Variants in COX16 observed in about 807,000 individuals in gnomAD.
The protein encoded by COX16 is cytochrome c oxidase assembly factor COX16.
COX16 carries 12 observed loss-of-function variants against 15.4 expected under a neutral mutation model. The ratio of observed to expected loss-of-function variants is 0.78; its 90% confidence interval spans 0.50 to 1.26. The LOEUF (loss-of-function observed/expected upper bound fraction) is 1.26, where lower values mean the gene tolerates loss of function less well. Among genes scored for constraint, COX16 ranks in the 50% most tolerant of loss-of-function variants. The probability of loss-of-function intolerance (pLI) is 0.00; values close to 1 mark genes in which losing one functional copy is unlikely to be tolerated. For missense variants in COX16, 124 were observed against 127.6 expected (o/e 0.97, Z 0.14); for synonymous variants, 46 against 41.1 (o/e 1.12, Z -0.46).
intron 2 of COX16, among the ~76,000 whole-genome samples, chr14:70,341,842 A>C (rs1053740385): frequency 2.0e-5 from 3 of 152,136 alleles, no homozygotes; most frequent in Admixed American, 6.6e-5. Flanking sequence ...ATTATAAGTC[A>C]AGGATCATCT....
intron 1 of COX16, among the ~76,000 whole-genome samples, chr14:70,350,090 A>C (rs943133147): frequency 6.6e-6 from 1 of 152,220 alleles, no homozygotes; most frequent in African/African-American, 2.4e-5. Context: ...CCAAATAGAC[A>C]GGAATGTAAG....
At chr14:70,342,845 G>C in intron 1 of COX16, 116 bp from the exon 2 acceptor site, 2 of 1,095,234 alleles carry the variant, frequency 1.8e-6, no homozygotes, top group South Asian at 3.2e-5. Context: ...AAATTCTATA[G>C]ATTATTTTTC....
rs1886199370 is a variant in COX16, at chr14:70,329,242, G to GA, written c.142-7dup. 6.4e-7 allele frequency: 1 copy of GA among 1,572,746 alleles called. No individual in the cohort carries two copies. Among genetic ancestry groups the GA allele is most frequent in the Admixed American group, 1.8e-5 (1 of 54,536 alleles). On this transcript the variant is annotated splice_polypyrimidine_tract_variant and splice_region_variant and intron_variant, in intron 2 of 3. Transcript: ENST00000389912. ...TTTTCAAGCTCAGGATCCATCTGTA[G>GA]AAAAGGAAAAAAAGTAATAAGTTAT...
chr14:70,345,287 G>A (rs758680117), intron 1 of COX16, among the ~76,000 whole-genome samples: 21 of 152,206 alleles, frequency 1.4e-4, no homozygotes, highest in Non-Finnish European at 2.6e-4. Flanking sequence ...CCAAGAAGGC[G>A]CCGGCGTGTG....
intron 2 of COX16, among the ~76,000 whole-genome samples, chr14:70,331,892 C>A (rs1051165790): frequency 1.3e-5 from 2 of 152,156 alleles, no homozygotes; most frequent in Non-Finnish European, 2.9e-5. Context: ...CTGCACCTAT[C>A]CACAGTAAAA....
At position 70,326,251 on chromosome 14, in the gene COX16, C is replaced by G; in HGVS notation, c.*82G>C. ...CCATGGGCCTGGAATTTCCTTTCCA[C>G]TTGATAGAAGTATATATTAGGAAGT... On this transcript the variant is annotated 3_prime_UTR_variant, in exon 4 of 4. Coordinates refer to ENST00000389912, the MANE Select transcript of COX16 (RefSeq NM_016468.7). 8.7e-7 allele frequency: 1 copy of G among 1,148,220 alleles called. No individual in the cohort carries two copies. Among genetic ancestry groups the G allele is most frequent in the Non-Finnish European group, 1.1e-6 (1 of 889,486 alleles). 71.1% of individuals were successfully genotyped at this position (1,148,220 alleles called of 1,614,324 possible).
In COX16 at chr14:70,329,185, A is replaced by G; in HGVS notation, c.193T>C (p.Ser65Pro). The G allele has an allele frequency of 6.2e-7, 1 of 1,607,964 alleles. No individual in the cohort carries two copies. The highest frequency in any genetic ancestry group is 8.5e-7 in the Non-Finnish European group (1 of 1,176,966). Reference sequence around the variant, plus strand: ...TTAACATACCGTACCTCATATTCCGACTCTAAAGATATTTTATTCTCTTTC... The same window carrying G: ...TTAACATACCGTACCTCATATTCCGGCTCTAAAGATATTTTATTCTCTTTC... Reference protein sequence around the residue: ...KLKENKISLESEYEKIKDSKF... With the variant: ...KLKENKISLEPEYEKIKDSKF... Residue 65 changes from serine to proline, a missense_variant, in exon 3 of 4, where the codon TCG (serine) becomes CCG (proline). Physicochemically the swap from Ser to Pro is moderately conservative, Grantham distance 74. Transcript: ENST00000389912.
In COX16 at chr14:70,329,121, A is replaced by G. The variant is rs982139121; in HGVS notation, c.204+53T>C. 59 of 1,539,416 alleles carry G rather than the reference A, an allele frequency of 3.8e-5. No individual in the cohort carries two copies. In the African/African-American group the frequency reaches 7.0e-4, roughly 18 times the overall value. ...TGTACTACTAATACTTTTAAGGCAG[A>G]TAAAACCAGTAACTGATTGTTATAA... On this transcript the variant is annotated intron_variant, in intron 3 of 3. Coordinates refer to ENST00000389912, the MANE Select transcript of COX16 (RefSeq NM_016468.7).
chr14:70,343,852 G>A (rs34767236), intron 1 of COX16, among the ~76,000 whole-genome samples: 43,260 of 152,146 alleles, frequency 0.28, 7,494 homozygotes, highest in Admixed American at 0.39. Flanking sequence ...ATTACAATGG[G>A]GAATAACAAT....
intron 1 of COX16, among the ~76,000 whole-genome samples, chr14:70,347,205 G>A (rs902373696): frequency 6.6e-6 from 1 of 152,014 alleles, no homozygotes; most frequent in African/African-American, 2.4e-5. Flanking sequence ...CTCCACCCAA[G>A]AAACTCTCCT....
intron 1 of COX16, 29 bp downstream of exon 1, chr14:70,359,490 T>C (rs747105024): frequency 1.3e-6 from 2 of 1,599,774 alleles, no homozygotes; most frequent in Non-Finnish European, 1.7e-6. Flanking sequence ...GTCCCACCCC[T>C]TGCGGAAGAT....
intron 1 of COX16, among the ~76,000 whole-genome samples, chr14:70,354,652 C>CT (rs947600501): frequency 8.5e-5 from 13 of 152,058 alleles, no homozygotes; most frequent in African/African-American, 2.9e-4. Flanking sequence ...ATATGAGTCT[C>CT]TTTTTTTGGC....
intron 1 of COX16, among the ~76,000 whole-genome samples, chr14:70,348,887 G>A (rs1206189121): frequency 6.6e-6 from 1 of 152,112 alleles, no homozygotes; most frequent in African/African-American, 2.4e-5. Context: ...TATATCGGCT[G>A]GAAATGCGCT....
At chr14:70,349,187 A>G (rs1385503462) in intron 1 of COX16, among the ~76,000 whole-genome samples, 1 of 152,048 alleles carries the variant, frequency 6.6e-6, no homozygotes. Flanking sequence ...TATGTTCAAG[A>G]TATTACCCAG....
intron 2 of COX16, among the ~76,000 whole-genome samples, chr14:70,334,468 GAT>G (rs1886385588): frequency 6.6e-6 from 1 of 152,190 alleles, no homozygotes; most frequent in Non-Finnish European, 1.5e-5. Context: ...AGTGAGCCGA[GAT>G]TGCACCACTG....
chr14:70,339,339 C>T (rs773187278), intron 2 of COX16, among the ~76,000 whole-genome samples: 1 of 152,154 alleles, frequency 6.6e-6, no homozygotes, highest in Non-Finnish European at 1.5e-5. Flanking sequence ...GCTTCCAGCC[C>T]TTACTTTTTT....
At chr14:70,353,507 T>C (rs1887033118) in intron 1 of COX16, among the ~76,000 whole-genome samples, 1 of 151,218 alleles carries the variant, frequency 6.6e-6, no homozygotes. Context: ...GATAGATAGA[T>C]AGATATACAC....
chr14:70,338,409 G>A (rs549553194), intron 2 of COX16, among the ~76,000 whole-genome samples: 15 of 152,126 alleles, frequency 9.9e-5, no homozygotes, highest in Admixed American at 2.6e-4. Flanking sequence ...CACCATGCCC[G>A]GCCCCAGAAG....
chr14:70,332,605 C>T (rs1253188397), intron 2 of COX16, among the ~76,000 whole-genome samples: 1 of 152,220 alleles, frequency 6.6e-6, no homozygotes, highest in Non-Finnish European at 1.5e-5. Flanking sequence ...ACAGGCATGC[C>T]ATCCTCTCTT....
Sources: allele counts gnomAD v4.1 joint callset (sites outside exome capture counted in the v4.1 genomes callset), GRCh38; gene constraint gnomAD v4.1.1; transcripts MANE v1.5; gene names NCBI Gene and HGNC (gene_info 2026-07-23, HGNC 2026-07-21).